Variants in CNBD2 observed in about 807,000 individuals in gnomAD.
The protein encoded by CNBD2 is cyclic nucleotide-binding domain-containing protein 2.
CNBD2 carries 64 observed loss-of-function variants against 63.7 expected under a neutral mutation model. The ratio of observed to expected loss-of-function variants is 1.00; its 90% CI spans 0.82 to 1.24. The LOEUF (loss-of-function observed/expected upper bound fraction) is 1.24, where lower values mean the gene tolerates loss of function less well. Among genes scored for constraint, CNBD2 ranks in the 50% most tolerant of loss-of-function variants. The pLI is 0.00. For synonymous variants in CNBD2, 229 were observed against 255.4 expected, an observed-to-expected ratio of 0.90 and a Z score of 0.99; for missense variants, 691 against 713.5, an observed-to-expected ratio of 0.97 and a Z score of 0.36.
At chr20:35,977,525 A>G (rs899763553) in intron 3 of CNBD2, among the ~76,000 whole-genome samples, 8 of 152,204 alleles carry the variant, frequency 5.3e-5, no homozygotes, top group African/African-American at 1.9e-4. Context: ...AAAAATAAAA[A>G]TAATTAGCTA....
At chr20:35,990,744 G>A (rs766540724) in intron 7 of CNBD2, among the ~76,000 whole-genome samples, 9 of 150,058 alleles carry the variant, frequency 6.0e-5, no homozygotes, top group Non-Finnish European at 1.0e-4. Flanking sequence ...TGAGGCCAGG[G>A]GTTTGAGACC....
intron 2 of CNBD2, among the ~76,000 whole-genome samples, chr20:35,963,399 C>T (rs1007718828): frequency 4.0e-5 from 6 of 149,808 alleles, no homozygotes; most frequent in African/African-American, 7.4e-5. Flanking sequence ...TAAATGGTTT[C>T]GGCCGGTCAC....
intron 9 of CNBD2, 81 bp downstream of exon 9, chr20:36,008,555 G>A: frequency 7.2e-7 from 1 of 1,385,830 alleles, no homozygotes. Context: ...GAATGTCAGG[G>A]ATGCGGATAA....
chr20:36,021,054 T>C (rs972388831), intron 10 of CNBD2, among the ~76,000 whole-genome samples: 3 of 152,174 alleles, frequency 2.0e-5, no homozygotes, highest in African/African-American at 7.2e-5. Flanking sequence ...CGGAGACATG[T>C]CGATAGATAT....
rs924396772 is a variant in CNBD2 at position 36,011,765 on chromosome 20, A to G, written c.1269+508A>G. Reference sequence around the variant, plus strand: ...ATTCCAAACAATTTTTTTAAAAAGAAAAACCTCCTGAAACTAATGAGATTA... The same window carrying G: ...ATTCCAAACAATTTTTTTAAAAAGAGAAACCTCCTGAAACTAATGAGATTA... On this transcript the variant is annotated intron_variant, in intron 10 of 11. Coordinates refer to ENST00000373973, the MANE Select transcript of CNBD2 (RefSeq NM_001365709.1). Among the ~76,000 whole-genome samples the G allele has an allele frequency of 3.9e-5, 6 of 152,338 alleles. No individual in the cohort carries two copies. The South Asian group carries it at 6.2e-4, about 16-fold the overall frequency.
intron 2 of CNBD2, among the ~76,000 whole-genome samples, chr20:35,975,229 C>T (rs2056490076): frequency 7.3e-6 from 1 of 136,636 alleles, no homozygotes; most frequent in Admixed American, 7.2e-5. Context: ...TCTCGATCTC[C>T]TGACCTCGTG....
At position 35,980,519 on chromosome 20, in the gene CNBD2, G is replaced by T; in HGVS notation, c.304G>T (p.Asp102Tyr). The change falls in exon 4 of 12, where the codon GAT (aspartate) becomes TAT (tyrosine). Residue 102 changes from aspartate (D) to tyrosine (Y), a missense_variant. By Grantham distance (160) the Asp-to-Tyr change is radical. Transcript: ENST00000373973. Reference sequence around the variant, plus strand: ...GAAGAAGCCTTCCTGGAGAACAGAGGATGAGATCCAGGCCGTCTGTAACAT... The same window carrying T: ...GAAGAAGCCTTCCTGGAGAACAGAGTATGAGATCCAGGCCGTCTGTAACAT... Reference protein sequence around the residue: ...MQKKPSWRTEDEIQAVCNILQ... With the variant: ...MQKKPSWRTEYEIQAVCNILQ... 1 of 1,614,176 alleles carries T rather than the reference G, an allele frequency of 6.2e-7. No individual in the cohort carries two copies. The highest frequency in any genetic ancestry group is 8.5e-7 in the Non-Finnish European group (1 of 1,180,012).
downstream of CNBD2, among the ~76,000 whole-genome samples, chr20:35,955,775 T>C (rs371957341): frequency 3.4e-4 from 51 of 152,112 alleles, 1 homozygote; most frequent in East Asian, 3.7e-3. Context: ...TTTGTTTTTG[T>C]TTTTGTTTTT....
At position 35,968,721 on chromosome 20, in the gene CNBD2, A is replaced by G; in HGVS notation, c.-42A>G. On this transcript the variant is annotated 5_prime_UTR_variant, in exon 1 of 12. Transcript: ENST00000373973. Reference sequence around the variant, plus strand: ...GAAAAATTTGTAGTCCTCCCCTTGAAAGGCAAAGGGGCTAGTTGTGCCATT... The same window carrying G: ...GAAAAATTTGTAGTCCTCCCCTTGAGAGGCAAAGGGGCTAGTTGTGCCATT... 1 of 1,556,028 alleles carries G rather than the reference A, an allele frequency of 6.4e-7. No homozygotes were observed. The highest frequency in any genetic ancestry group is 1.7e-4 in the Middle Eastern group (1 of 5,778).
chr20:35,984,789 C>G lies in CNBD2; in HGVS notation c.716+11C>G, dbSNP rs765366773. ...GTTTGAATTTTTTAGGTAACTCTGC[C>G]TTCATTCAACATTTTTTTCCCCTTG... On this transcript the variant is annotated intron_variant, in intron 6 of 11. Transcript: ENST00000373973. 6.2e-7 allele frequency: 1 copy of G among 1,613,732 alleles called. No homozygotes were observed.
At chr20:35,959,998 G>C (rs2056293753), downstream of CNBD2, among the ~76,000 whole-genome samples, 1 of 152,128 alleles carries the variant, frequency 6.6e-6, no homozygotes, top group African/African-American at 2.4e-5. Context: ...CTTAAAGCTT[G>C]TTCTGATTTT....
intron 2 of CNBD2, 49 bp from the exon 3 acceptor site, chr20:35,975,900 G>A (rs759750752): frequency 6.5e-7 from 1 of 1,548,334 alleles, no homozygotes; most frequent in East Asian, 2.3e-5. Flanking sequence ...CAAAGTTCTA[G>A]GGGCAGTCTT....
At chr20:35,995,992 G>GCATCACAT (rs1667074869) in intron 8 of CNBD2, among the ~76,000 whole-genome samples, 1 of 152,186 alleles carries the variant, frequency 6.6e-6, no homozygotes, top group Non-Finnish European at 1.5e-5. Context: ...GCAGCAAAGG[G>GCATCACAT]CATCACATGG....
At chr20:35,984,161 G>A in intron 5 of CNBD2, 23 bp downstream of exon 5, 1 of 1,574,146 alleles carries the variant, frequency 6.4e-7, no homozygotes, top group East Asian at 2.2e-5. Flanking sequence ...GAAGGACCCA[G>A]TTTCCTGGGG....
chr20:35,984,042 C>G lies in CNBD2; in HGVS notation c.468C>G (p.Ile156Met), dbSNP rs1279548178. ...KGQKGNSFYF[I>M]YLGTVAITKD... ...AGAAGGGCAACAGCTTTTATTTCATCTACCTGGGCACAGTTGCAATAACCA... is the reference window on the plus strand; with the variant it reads ...AGAAGGGCAACAGCTTTTATTTCATGTACCTGGGCACAGTTGCAATAACCA... Residue 156 changes from isoleucine (I) to methionine (M), a missense_variant, in exon 5 of 12, where the codon ATC becomes ATG. By Grantham distance (10) the Ile-to-Met change is conservative. Transcript: ENST00000373973. 6.2e-7 allele frequency: 1 copy of G among 1,614,214 alleles called. No homozygotes were observed. Among genetic ancestry groups the G allele is most frequent in the Admixed American group, 1.7e-5 (1 of 60,024 alleles).
chr20:35,985,940 AC>A (rs2056662071), intron 6 of CNBD2, among the ~76,000 whole-genome samples: 1 of 152,240 alleles, frequency 6.6e-6, no homozygotes, highest in Non-Finnish European at 1.5e-5. Context: ...CAGGTGCTCA[AC>A]AAATAAATAT....
At chr20:35,954,687 G>A, upstream of CNBD2, 1 of 1,165,966 alleles carries the variant, frequency 8.6e-7, no homozygotes. Context: ...AGTCGGAGGA[G>A]GAGCCTGAAT....
At position 36,030,636 on chromosome 20, in the gene CNBD2, A is replaced by G; in HGVS notation, c.1719A>G (p.Glu573=). 3 of 1,614,092 alleles carry G rather than the reference A, an allele frequency of 1.9e-6. No individual in the cohort carries two copies. In the South Asian group the frequency reaches 3.3e-5, roughly 18 times the overall value. The change falls in exon 12 of 12, where the codon GAA becomes GAG. Residue 573 remains glutamate (E), a synonymous_variant. Coordinates refer to ENST00000373973, the MANE Select transcript of CNBD2 (RefSeq NM_001365709.1). ...AAGCACCTCGGTACAAAATCCGAGA[A>G]CTCTTGGCTTAGTGTAAGAGCACAG... ...AIKAPRYKIR[E]LLA is the part of the protein sequence containing the mutation.
At chr20:36,013,156 C>T (rs780313043) in intron 10 of CNBD2, among the ~76,000 whole-genome samples, 3 of 152,172 alleles carry the variant, frequency 2.0e-5, no homozygotes, top group Non-Finnish European at 2.9e-5. Flanking sequence ...TAGTGGCTCA[C>T]GCCTGTAATC....
Sources: allele counts gnomAD v4.1 joint callset (sites outside exome capture counted in the v4.1 genomes callset), GRCh38; gene constraint gnomAD v4.1.1; transcripts MANE v1.5; gene names NCBI Gene and HGNC (gene_info 2026-07-23, HGNC 2026-07-21).